ACER3: variants seen among roughly 807,000 people sequenced by gnomAD.
ACER3 encodes alkCDase 3.
ACER3 carries 16 observed loss-of-function variants against 48.9 expected under a neutral mutation model. That is an observed-to-expected ratio of 0.33 (90% confidence interval 0.22 to 0.50). The LOEUF (loss-of-function observed/expected upper bound fraction) is 0.50. Ranked by LOEUF, ACER3 falls within the 20% of genes least tolerant of loss-of-function variation. The probability of loss-of-function intolerance (pLI) is 0.98; values close to 1 mark genes in which losing one functional copy is unlikely to be tolerated. For synonymous variants in ACER3, 109 were observed against 107.8 expected (o/e 1.01, Z -0.07); for missense variants, 227 against 326.0 (o/e 0.70, Z 2.34).
At chr11:76,994,205 C>T (rs1211236103) in intron 6 of ACER3, 1 of 453,364 alleles carries the variant, frequency 2.2e-6, no homozygotes, top group Non-Finnish European at 4.4e-6. Flanking sequence ...AATCTCGGCT[C>T]ATTGGAACCT....
chr11:76,917,859 CAAAAA>C (rs5792749), intron 1 of ACER3, among the ~76,000 whole-genome samples: 6 of 113,022 alleles, frequency 5.3e-5, no homozygotes, highest in Admixed American at 8.8e-5. Flanking sequence ...GACCCTGTCT[CAAAAA>C]AAAAAAAAAA....
chr11:76,948,485 T>G (rs1180242186), intron 2 of ACER3, among the ~76,000 whole-genome samples: 1 of 152,190 alleles, frequency 6.6e-6, no homozygotes, highest in African/African-American at 2.4e-5. Context: ...AATATGATAG[T>G]GCATTTTGTT....
intron 4 of ACER3, 111 bp downstream of exon 4, chr11:76,976,452 G>T: frequency 1.6e-6 from 1 of 614,734 alleles, no homozygotes; most frequent in East Asian, 3.1e-5. Context: ...TAATAATGTA[G>T]AAGATTATAA....
rs973458568 is a variant in ACER3 at position 76,966,709 on chromosome 11, TG to T, written c.267+7681del. Reference sequence around the variant, plus strand: ...GAACAACCTGCTCCTGAATGACTACTGGGTACATAACGAAATGAAGGCAGAA... The same window carrying T: ...GAACAACCTGCTCCTGAATGACTACTGGTACATAACGAAATGAAGGCAGAA... On this transcript the variant is annotated intron_variant, in intron 3 of 10. Transcript: ENST00000532485. 1.4e-4 allele frequency among the ~76,000 whole-genome samples: 21 copies of T among 150,144 alleles called. 1 individual carries two copies. Among genetic ancestry groups the T allele is most frequent in the Middle Eastern group, 3.4e-3 (1 of 294 alleles).
In ACER3 at chr11:76,932,806, G is replaced by A. The variant is rs1037789999; in HGVS notation, c.214+6139G>A. Reference sequence around the variant, plus strand: ...AACTGTTTTCAGTGTTTCAGACTTGGAGATGTTTGAAAAACTATATGGAAA... The same window carrying A: ...AACTGTTTTCAGTGTTTCAGACTTGAAGATGTTTGAAAAACTATATGGAAA... On this transcript the variant is annotated intron_variant, in intron 2 of 10. Coordinates refer to ENST00000532485, the MANE Select transcript of ACER3 (RefSeq NM_018367.7). Among the ~76,000 whole-genome samples, 7 of 152,110 alleles carry A rather than the reference G, an allele frequency of 4.6e-5. No individual in the cohort carries two copies. In the South Asian group the frequency reaches 8.3e-4, roughly 18 times the overall value.
intron 6 of ACER3, among the ~76,000 whole-genome samples, chr11:76,991,761 A>G (rs2135230348): frequency 1.4e-5 from 2 of 145,402 alleles, no homozygotes; most frequent in African/African-American, 5.1e-5. Context: ...GGTTGCAGTG[A>G]GCCGGGATTG....
chr11:76,919,910 T>C (rs1367717095), intron 1 of ACER3, among the ~76,000 whole-genome samples: 2 of 152,226 alleles, frequency 1.3e-5, no homozygotes, highest in Admixed American at 1.3e-4. Context: ...AGTTTTATAA[T>C]TGTGGTCGTT....
chr11:76,950,186 A>G (rs1947604785), intron 2 of ACER3, among the ~76,000 whole-genome samples: 1 of 151,138 alleles, frequency 6.6e-6, no homozygotes, highest in African/African-American at 2.4e-5. Flanking sequence ...CTTTCTCCTA[A>G]TATGCCTTAG....
intron 2 of ACER3, chr11:76,955,366 A>G (rs1224275868): frequency 6.6e-6 from 1 of 152,198 alleles, no homozygotes; most frequent in Non-Finnish European, 1.5e-5. Context: ...AACAACCTAA[A>G]TGTCTTTTTT....
chr11:77,005,123 C>T lies in ACER3; in HGVS notation c.497+6302C>T, dbSNP rs932490964. 5.9e-5 allele frequency among the ~76,000 whole-genome samples: 9 copies of T among 151,484 alleles called. No homozygotes were observed. The East Asian group carries it at 7.8e-4, about 13-fold the overall frequency. On this transcript the variant is annotated intron_variant, in intron 7 of 10. Transcript: ENST00000532485. ...CGCGATCTCAGCTCACTGCAAACTC[C>T]GCCTCCCGGGTTCACGCCATTCTCC...
chr11:77,000,712 AT>A (rs1417802191), intron 7 of ACER3, among the ~76,000 whole-genome samples: 9 of 152,148 alleles, frequency 5.9e-5, no homozygotes, highest in Non-Finnish European at 2.9e-5. Flanking sequence ...GTCAAAAATT[AT>A]TTGGGTAGAT....
At chr11:76,933,208 C>G (rs1011221035) in intron 2 of ACER3, among the ~76,000 whole-genome samples, 1 of 125,626 alleles carries the variant, frequency 8.0e-6, no homozygotes, top group Non-Finnish European at 1.8e-5. Context: ...CTTCACTATT[C>G]TGACTGAAGT....
chr11:76,977,699 T>C (rs1182533846), intron 4 of ACER3, among the ~76,000 whole-genome samples: 2 of 152,176 alleles, frequency 1.3e-5, no homozygotes, highest in Non-Finnish European at 2.9e-5. Context: ...GAGGCAGTGC[T>C]GGTGGGGGCC....
intron 1 of ACER3, among the ~76,000 whole-genome samples, chr11:76,878,898 G>A (rs1402043471): frequency 6.6e-6 from 1 of 151,948 alleles, no homozygotes; most frequent in Admixed American, 6.6e-5. Context: ...ATTTTAATTA[G>A]CATTTACCTG....
intron 2 of ACER3, among the ~76,000 whole-genome samples, chr11:76,948,211 CTGTGTG>C (rs57302394): frequency 0.091 from 12,307 of 135,358 alleles, 619 homozygotes; most frequent in African/African-American, 0.17. Context: ...CTGGCTCACT[CTGTGTG>C]TGTGTGTGTG....
At chr11:76,946,306 G>A (rs1209646614) in intron 2 of ACER3, among the ~76,000 whole-genome samples, 1 of 152,172 alleles carries the variant, frequency 6.6e-6, no homozygotes, top group Non-Finnish European at 1.5e-5. Flanking sequence ...AACCCAGGAG[G>A]GAAGGGTGCA....
intron 1 of ACER3, among the ~76,000 whole-genome samples, chr11:76,864,442 T>C (rs1039174124): frequency 6.6e-6 from 1 of 152,130 alleles, no homozygotes; most frequent in Non-Finnish European, 1.5e-5. Flanking sequence ...TATGAATATG[T>C]AGGGAAATGA....
At chr11:76,921,024 G>A (rs1375715047) in intron 1 of ACER3, among the ~76,000 whole-genome samples, 2 of 152,098 alleles carry the variant, frequency 1.3e-5, no homozygotes, top group African/African-American at 4.8e-5. Context: ...TAGCTAACAT[G>A]TATAGCTATA....
chr11:77,023,609 A>G lies in ACER3; in HGVS notation c.*3282A>G, dbSNP rs1949504047. The G allele has an allele frequency of 6.1e-6, 1 of 165,254 alleles. No homozygotes were observed. Among genetic ancestry groups the G allele is most frequent in the East Asian group, 1.7e-4 (1 of 5,890 alleles). The allele number at this position is 165,254 out of a possible 1,614,324, so 10.2% of individuals were successfully genotyped here. A position where few individuals can be genotyped will look rare whatever the true frequency, so the allele number is the denominator to read the frequency against. ...GCTGCTGGATAAGCATTTATGTAAA[A>G]CTGAGTATTTCAAAGAGAACCATTT... On this transcript the variant is annotated 3_prime_UTR_variant, in exon 11 of 11. Transcript: ENST00000532485.
Sources: allele counts gnomAD v4.1 joint callset (sites outside exome capture counted in the v4.1 genomes callset), GRCh38; gene constraint gnomAD v4.1.1; transcripts MANE v1.5; gene names NCBI Gene and HGNC (gene_info 2026-07-23, HGNC 2026-07-21).